Variants in ALK observed in about 807,000 individuals in gnomAD.
The protein encoded by ALK is ALK tyrosine kinase receptor.
A neutral mutation model predicts 163.1 loss-of-function variants in ALK; 74 were observed. The observed-to-expected ratio is 0.45, with a 90% CI of 0.38 to 0.55. The LOEUF is 0.55. Ranked by LOEUF, ALK falls within the 20% of genes least tolerant of loss-of-function variation. The probability of loss-of-function intolerance (pLI) is 0.00; values close to 1 mark genes in which losing one functional copy is unlikely to be tolerated. For missense variants in ALK, 2,063 were observed against 2,105.3 expected (o/e 0.98, Z 0.39); for synonymous variants, 960 against 843.2 (o/e 1.14, Z -2.40).
intron 1 of ALK, among the ~76,000 whole-genome samples, chr2:29,872,722 C>T (rs192608229): frequency 2.6e-5 from 4 of 152,294 alleles, no homozygotes; most frequent in Admixed American, 6.5e-5. Context: ...ATTATAAAGT[C>T]GAAAAATCAT....
At chr2:29,441,755 A>T (rs1329697981) in intron 4 of ALK, among the ~76,000 whole-genome samples, 2 of 152,172 alleles carry the variant, frequency 1.3e-5, no homozygotes, top group South Asian at 2.1e-4. Context: ...TTACAGTTGC[A>T]TTGAGACTAA....
At chr2:29,852,573 G>A (rs983512934) in intron 1 of ALK, among the ~76,000 whole-genome samples, 7 of 152,172 alleles carry the variant, frequency 4.6e-5, no homozygotes, top group African/African-American at 1.7e-4. Flanking sequence ...CAACAGTTCT[G>A]GAACCTTCCT....
intron 4 of ALK, among the ~76,000 whole-genome samples, chr2:29,505,537 A>G (rs1469255738): frequency 6.6e-6 from 1 of 152,060 alleles, no homozygotes; most frequent in South Asian, 2.1e-4. Context: ...GGGGAGTTCT[A>G]CGTTAGGCCA....
At chr2:29,764,080 A>C (rs1680790863) in intron 1 of ALK, among the ~76,000 whole-genome samples, 1 of 152,180 alleles carries the variant, frequency 6.6e-6, no homozygotes, top group African/African-American at 2.4e-5. Flanking sequence ...ACCAGAATCC[A>C]GATTTCCTTC....
intron 5 of ALK, among the ~76,000 whole-genome samples, chr2:29,349,149 G>C (rs575452324): frequency 6.6e-6 from 1 of 152,246 alleles, no homozygotes; most frequent in East Asian, 1.9e-4. Flanking sequence ...CAGCTGAAAG[G>C]GGTTGCAGGG....
intron 1 of ALK, among the ~76,000 whole-genome samples, chr2:29,750,630 GGGAA>G (rs1189354098): frequency 0.094 from 6,735 of 71,778 alleles, 649 homozygotes; most frequent in Admixed American, 0.11. Flanking sequence ...GGAACAGAAT[GGGAA>G]GGAAGGAAGG....
intron 1 of ALK, among the ~76,000 whole-genome samples, chr2:29,757,820 C>G (rs1680580848): frequency 6.6e-6 from 1 of 151,928 alleles, no homozygotes; most frequent in Admixed American, 6.6e-5. Flanking sequence ...TTGTTTATAC[C>G]AGCCTTTTGA....
intron 1 of ALK, among the ~76,000 whole-genome samples, chr2:29,830,684 C>T (rs1229420520): frequency 9.4e-6 from 1 of 106,240 alleles, no homozygotes; most frequent in African/African-American, 3.7e-5. Flanking sequence ...GCCTGGAAAA[C>T]ACAGCAAGAC....
chr2:29,385,310 G>A (rs1405922441), intron 4 of ALK, among the ~76,000 whole-genome samples: 1 of 151,128 alleles, frequency 6.6e-6, no homozygotes, highest in African/African-American at 2.4e-5. Context: ...ATAATGGAAA[G>A]TAAAAGTCAC....
At chr2:29,458,709 T>C (rs948511152) in intron 4 of ALK, among the ~76,000 whole-genome samples, 7 of 152,182 alleles carry the variant, frequency 4.6e-5, no homozygotes, top group Admixed American at 6.5e-5. Flanking sequence ...AACTGAACCA[T>C]AGCTGAAGCC....
intron 4 of ALK, among the ~76,000 whole-genome samples, chr2:29,451,442 G>C (rs1670818813): frequency 6.6e-6 from 1 of 152,078 alleles, no homozygotes; most frequent in Admixed American, 6.6e-5. Context: ...CCTCCTTCCT[G>C]CTAAAATCTC....
At chr2:29,540,057 A>G (rs956117099) in intron 3 of ALK, among the ~76,000 whole-genome samples, 10 of 152,146 alleles carry the variant, frequency 6.6e-5, no homozygotes, top group Non-Finnish European at 1.5e-4. Context: ...TATAGTGGTT[A>G]TTGGATATAG....
intron 4 of ALK, among the ~76,000 whole-genome samples, chr2:29,527,425 C>T (rs1672985855): frequency 6.6e-6 from 1 of 152,130 alleles, no homozygotes; most frequent in Non-Finnish European, 1.5e-5. Flanking sequence ...TTTCCTGATG[C>T]AGCTGGGCAG....
intron 1 of ALK, among the ~76,000 whole-genome samples, chr2:29,848,505 T>C (rs2148399187): frequency 6.6e-6 from 1 of 152,360 alleles, no homozygotes; most frequent in Middle Eastern, 3.4e-3. Context: ...CTAAAGTGTT[T>C]CTGCTAGCCT....
chr2:29,909,213 T>A (rs1005715304), intron 1 of ALK, among the ~76,000 whole-genome samples: 2 of 152,218 alleles, frequency 1.3e-5, no homozygotes, highest in Non-Finnish European at 2.9e-5. Context: ...TGAAAGAAAC[T>A]GTGGAATAAT....
chr2:29,907,349 T>C (rs1662682829), intron 1 of ALK: 1 of 152,262 alleles, frequency 6.6e-6, no homozygotes, highest in South Asian at 2.1e-4. Context: ...ATCACTGATA[T>C]TTCATTCTCT....
At chr2:29,710,543 T>A (rs1679058532) in intron 2 of ALK, among the ~76,000 whole-genome samples, 1 of 149,650 alleles carries the variant, frequency 6.7e-6, no homozygotes, top group South Asian at 2.1e-4. Flanking sequence ...TATGATGGAG[T>A]CTCGTTCTGT....
At chr2:29,882,151 G>A (rs138304021) in intron 1 of ALK, among the ~76,000 whole-genome samples, 3 of 152,312 alleles carry the variant, frequency 2.0e-5, no homozygotes, top group South Asian at 4.1e-4. Flanking sequence ...GACTGTAGGT[G>A]TGAGAGCATC....
chr2:29,750,351 T>G (rs2148330423), intron 1 of ALK, among the ~76,000 whole-genome samples: 1 of 152,262 alleles, frequency 6.6e-6, no homozygotes, highest in South Asian at 2.1e-4. Flanking sequence ...ATTTGTGACC[T>G]AAACATATTA....
Sources: gnomAD v4.1 joint callset for allele counts (sites outside exome capture counted in the v4.1 genomes callset) on GRCh38, gnomAD v4.1.1 for gene constraint, MANE v1.5 for transcripts, NCBI Gene and HGNC (gene_info 2026-07-23, HGNC 2026-07-21) for gene names.